Variants in ABCA4 observed in about 807,000 individuals in gnomAD.
The protein encoded by ABCA4 is ATP binding cassette subfamily A member 4, also known as retinal-specific phospholipid-transporting ATPase ABCA4.
A neutral mutation model predicts 263.7 loss-of-function variants in ABCA4; 196 were observed. That is an observed-to-expected ratio of 0.74 (90% CI 0.66 to 0.84). The LOEUF (loss-of-function observed/expected upper bound fraction) is 0.84. Among genes scored for constraint, ABCA4 ranks in the 40% least tolerant of loss-of-function variants. The probability of loss-of-function intolerance (pLI) is 0.00; values close to 1 mark genes in which losing one functional copy is unlikely to be tolerated. For missense variants in ABCA4, 2,792 were observed against 2,855.1 expected (o/e 0.98, Z 0.50); for synonymous variants, 1,133 against 1,094.2 (o/e 1.04, Z -0.70).
In ABCA4 at chr1:94,056,635, T is replaced by C; in HGVS notation, c.2348A>G (p.Gln783Arg). The C allele has an allele frequency of 6.2e-7, 1 of 1,613,676 alleles. No homozygotes were observed. The highest frequency in any genetic ancestry group is 8.5e-7 in the Non-Finnish European group (1 of 1,180,040). The change falls in exon 15 of 50, where the codon CAG becomes CGG. Residue 783 changes from glutamine (Q) to arginine (R), a missense_variant. Coordinates refer to ENST00000370225, the MANE Select transcript of ABCA4 (RefSeq NM_000350.3). ...CTTCAGCTCAGCGGTCATGCGGTCC[T>C]GCCAGGCGAAGCACAGGATGTGTGG... The part of the protein sequence containing the change: ...YLPHILCFAW[Q>R]DRMTAELKKA...
At chr1:94,087,804 T>C (rs1661870454) in intron 6 of ABCA4, among the ~76,000 whole-genome samples, 1 of 152,186 alleles carries the variant, frequency 6.6e-6, no homozygotes, top group Non-Finnish European at 1.5e-5. Context: ...CAAATATGTA[T>C]TGAGTGTCTG....
In ABCA4 at chr1:94,063,168, C is replaced by A; in HGVS notation, c.1704G>T (p.Lys568Asn). 1 of 1,614,118 alleles carries A rather than the reference C, an allele frequency of 6.2e-7. No homozygotes were observed. Among genetic ancestry groups the A allele is most frequent in the South Asian group, 1.1e-5 (1 of 91,074 alleles). The change falls in exon 12 of 50, where the codon AAG becomes AAT. Residue 568 changes from lysine (K) to asparagine (N), a missense_variant. Lys to Asn is a moderately conservative substitution (Grantham distance 94). Coordinates refer to ENST00000370225, the MANE Select transcript of ABCA4 (RefSeq NM_000350.3). ...PWTSSLPPHVKYKIRMDIDVV... is the reference protein window; with the variant it reads ...PWTSSLPPHVNYKIRMDIDVV... The stretch of plus-strand genomic sequence containing the variant: ...CGTCTATGTCCATTCGGATCTTATA[C>A]TTCACGTGGGGTGGTAGAGAGCTGG...
rs546006093 is a variant in ABCA4, at chr1:94,093,930, C to T, written c.768+4864G>A. 2.0e-5 allele frequency among the ~76,000 whole-genome samples: 3 copies of T among 152,222 alleles called. No homozygotes were observed. The East Asian group carries it at 5.8e-4, about 29-fold the overall frequency. On this transcript the variant is annotated intron_variant, in intron 6 of 49. Transcript: ENST00000370225. The stretch of plus-strand genomic sequence containing the variant: ...TGGCTTGAATATTTTCATAAAACCC[C>T]CCAAAAACAACAACAAAAACCTTCC...
intron 11 of ABCA4, among the ~76,000 whole-genome samples, chr1:94,064,042 T>C (rs1661202084): frequency 6.6e-6 from 1 of 152,246 alleles, no homozygotes; most frequent in Non-Finnish European, 1.5e-5. Context: ...CTTATATTGC[T>C]ATTTGCATCT....
chr1:94,085,287 T>C (rs1470862181), intron 6 of ABCA4, among the ~76,000 whole-genome samples: 1 of 152,210 alleles, frequency 6.6e-6, no homozygotes, highest in Non-Finnish European at 1.5e-5. Flanking sequence ...CAAATATTGA[T>C]AATAGTTGAA....
intron 4 of ABCA4, 48 bp from the exon 5 acceptor site, chr1:94,103,190 C>CA (rs1570426532): frequency 6.2e-7 from 1 of 1,607,616 alleles, no homozygotes; most frequent in Non-Finnish European, 8.5e-7. Context: ...GGAAATGGGT[C>CA]AAAAAAAGGA....
chr1:94,116,591 G>GCGTCACTC (rs1379229501), intron 1 of ABCA4, among the ~76,000 whole-genome samples: 2 of 152,072 alleles, frequency 1.3e-5, no homozygotes, highest in Non-Finnish European at 2.9e-5. Context: ...TGCATTTCAC[G>GCGTCACTC]CGTCACTCCC....
chr1:94,021,712 G>A lies in ABCA4; in HGVS notation c.4776C>T (p.Gly1592=), dbSNP rs890262125. 1.1e-5 allele frequency: 17 copies of A among 1,611,104 alleles called. No individual in the cohort carries two copies. The highest frequency in any genetic ancestry group is 1.4e-5 in the Non-Finnish European group (16 of 1,178,424). ...CTTTAGAGGCCTCTCTAGTGATAGG[G>A]CCCTAAAAACCATGTAAACAAACAA... The part of the protein sequence containing the change: ...DLGRIMNVSG[G]PITREASKEI... Residue 1592 remains glycine, a splice_region_variant and synonymous_variant, in exon 34 of 50, where the codon GGC becomes GGT. Coordinates refer to ENST00000370225, the MANE Select transcript of ABCA4 (RefSeq NM_000350.3).
At chr1:94,037,409 G>T in intron 24 of ABCA4, 59 bp from the exon 25 acceptor site, 1 of 1,520,332 alleles carries the variant, frequency 6.6e-7, no homozygotes, top group South Asian at 1.1e-5. Context: ...AAGACTGTGA[G>T]GTTACCCAGA....
At chr1:94,053,383 G>T (rs1299371416) in intron 16 of ABCA4, among the ~76,000 whole-genome samples, 1 of 152,116 alleles carries the variant, frequency 6.6e-6, no homozygotes, top group African/African-American at 2.4e-5. Flanking sequence ...GAATTGGTTG[G>T]TGCCAAAACA....
intron 19 of ABCA4, chr1:94,045,974 T>A: frequency 2.2e-6 from 1 of 456,068 alleles, no homozygotes; most frequent in Non-Finnish European, 4.4e-6. Flanking sequence ...AGCTGAGAGA[T>A]CCGCGCAGAG....
Position 94,098,970 on chromosome 1 carries a change from G to T in ABCA4, c.592C>A (p.Leu198Met). 6.2e-7 allele frequency: 1 copy of T among 1,610,040 alleles called. No individual in the cohort carries two copies. Among genetic ancestry groups the T allele is most frequent in the Non-Finnish European group, 8.5e-7 (1 of 1,179,938 alleles). Reference protein sequence around the residue: ...PEQFAHGVPDLALKDIACSEA... With the variant: ...PEQFAHGVPDMALKDIACSEA... The stretch of plus-strand genomic sequence containing the variant: ...CTGCAGGCGATGTCCTTCAGCGCCA[G>T]GTCCGGGACTCCATGAGCGAACTGC... The change falls in exon 6 of 50, where the codon CTG becomes ATG. Residue 198 changes from leucine to methionine, a missense_variant. By Grantham distance (15) the Leu-to-Met change is conservative (BLOSUM62 2). Coordinates refer to ENST00000370225, the MANE Select transcript of ABCA4 (RefSeq NM_000350.3).
At chr1:93,997,793 A>C in intron 48 of ABCA4, 68 bp downstream of exon 48, 1 of 1,606,366 alleles carries the variant, frequency 6.2e-7, no homozygotes, top group Non-Finnish European at 8.5e-7. Context: ...TCTTATGGCA[A>C]TTCCAACCCA....
chr1:94,115,740 C>T (rs563343374), intron 1 of ABCA4, among the ~76,000 whole-genome samples: 1 of 152,254 alleles, frequency 6.6e-6, no homozygotes, highest in South Asian at 2.1e-4. Flanking sequence ...TATTGCCTTA[C>T]AGGGTTGTCG....
chr1:94,090,642 A>G (rs1269529400), intron 6 of ABCA4, among the ~76,000 whole-genome samples: 2 of 152,004 alleles, frequency 1.3e-5, no homozygotes, highest in Non-Finnish European at 2.9e-5. Context: ...CAGTGCATTT[A>G]TTTACCACTT....
chr1:94,013,361 G>C (rs1227503989), intron 38 of ABCA4, among the ~76,000 whole-genome samples: 1 of 152,212 alleles, frequency 6.6e-6, no homozygotes, highest in Non-Finnish European at 1.5e-5. Flanking sequence ...CCACGGGTCT[G>C]GGCGGTTCAT....
chr1:94,068,480 G>A (rs1408368569), intron 11 of ABCA4, among the ~76,000 whole-genome samples: 1 of 152,196 alleles, frequency 6.6e-6, no homozygotes, highest in Non-Finnish European at 1.5e-5. Context: ...TTTGATCCCT[G>A]AAATCAAAAT....
chr1:94,021,916 A>C lies in ABCA4; in HGVS notation c.4703T>G (p.Val1568Gly), dbSNP rs1416704262. ...GGISIGGKLP[V>G]VPITGEALVG... ...AAGTGCTTCCCCCGTGATGGGGACG[A>C]CTGGGAGCTTTCCTCCAATGGAAAT... Residue 1568 changes from valine to glycine, a missense_variant, in exon 33 of 50, where the codon GTC becomes GGC. Transcript: ENST00000370225. 6.2e-7 allele frequency: 1 copy of C among 1,614,224 alleles called. No homozygotes were observed. Among genetic ancestry groups the C allele is most frequent in the Non-Finnish European group, 8.5e-7 (1 of 1,180,044 alleles).
rs780665146 is a variant in ABCA4 at position 94,036,722 on chromosome 1, C to A, written c.3862+18G>T. On this transcript the variant is annotated intron_variant, in intron 26 of 49. Transcript: ENST00000370225. ...GGGAGGCAAGGAAGGGAACAAGCCA[C>A]TGGCTCCAGCACCATACCCGCAAAC... The A allele has an allele frequency of 6.2e-7, 1 of 1,613,858 alleles. No individual in the cohort carries two copies. Among genetic ancestry groups the A allele is most frequent in the South Asian group, 1.1e-5 (1 of 91,074 alleles).
Sources: gnomAD v4.1 joint callset for allele counts (sites outside exome capture counted in the v4.1 genomes callset) on GRCh38, gnomAD v4.1.1 for gene constraint, MANE v1.5 for transcripts, NCBI Gene and HGNC (gene_info 2026-07-23, HGNC 2026-07-21) for gene names.